Variants in KCTD3 observed in about 807,000 individuals in gnomAD.
The protein encoded by KCTD3 is potassium channel tetramerization domain containing 3, also known as BTB/POZ domain-containing protein KCTD3.
KCTD3 carries 41 observed loss-of-function variants against 85.8 expected under a neutral mutation model. That is an observed-to-expected ratio of 0.48 (90% CI 0.37 to 0.62). The LOEUF (loss-of-function observed/expected upper bound fraction) is 0.62. KCTD3 is among the 20% of genes least tolerant of loss of function. KCTD3 has a pLI of 0.00. For missense variants in KCTD3, 724 were observed against 989.9 expected, an observed-to-expected ratio of 0.73 and a Z score of 3.60; for synonymous variants, 338 against 345.4, an observed-to-expected ratio of 0.98 and a Z score of 0.24.
rs1436630161 is a variant in KCTD3, at chr1:215,604,812, ATG to A, written c.1309+514_1309+515del. Among the ~76,000 whole-genome samples the A allele has an allele frequency of 2.0e-5, 3 of 151,950 alleles. No individual in the cohort carries two copies. The East Asian group carries it at 5.8e-4, about 29-fold the overall frequency. ...TTTAATGCTAAAACTGTAGATTTAAATGTGTATTTTGATATTTTGTCATCTCA... is the reference window on the plus strand; with the variant it reads ...TTTAATGCTAAAACTGTAGATTTAAATGTATTTTGATATTTTGTCATCTCA... On this transcript the variant is annotated intron_variant, in intron 13 of 17. Coordinates refer to ENST00000259154, the MANE Select transcript of KCTD3 (RefSeq NM_016121.5).
chr1:215,574,805 A>G (rs7511859), intron 3 of KCTD3, among the ~76,000 whole-genome samples: 3,278 of 152,328 alleles, frequency 0.022, 111 homozygotes, highest in African/African-American at 0.073. Context: ...TTGATTGTAT[A>G]TATATAGTTG....
In KCTD3 at chr1:215,620,672, T is replaced by G; in HGVS notation, c.*54T>G. On this transcript the variant is annotated 3_prime_UTR_variant, in exon 18 of 18. Transcript: ENST00000259154. ...TTACATTTAGATGAAAGTTAAACTT[T>G]ACTGAATTTCAGTACATTAGTTTTT... 1 of 1,285,018 alleles carries G rather than the reference T, an allele frequency of 7.8e-7. No individual in the cohort carries two copies. The highest frequency in any genetic ancestry group is 1.6e-5 in the South Asian group (1 of 64,228). 79.6% of individuals were successfully genotyped at this position (1,285,018 alleles called of 1,614,324 possible). A position where few individuals can be genotyped will look rare whatever the true frequency, so the allele number is the denominator to read the frequency against.
chr1:215,572,556 G>A (rs1031375227), intron 1 of KCTD3, among the ~76,000 whole-genome samples: 1 of 152,142 alleles, frequency 6.6e-6, no homozygotes, highest in African/African-American at 2.4e-5. Context: ...CTTAGAAGAT[G>A]GGAATGGGAA....
rs1461922053 is a variant in KCTD3, at chr1:215,611,805, A to G, written c.1466-20A>G. On this transcript the variant is annotated intron_variant, in intron 14 of 17. Coordinates refer to ENST00000259154, the MANE Select transcript of KCTD3 (RefSeq NM_016121.5). ...ATAAAATTTTAATTAATTTTTTGACATTTTTGTTTTCTGATCAAGGACCTT... is the reference window on the plus strand; with the variant it reads ...ATAAAATTTTAATTAATTTTTTGACGTTTTTGTTTTCTGATCAAGGACCTT... 13 of 1,511,812 alleles carry G rather than the reference A, an allele frequency of 8.6e-6. No homozygotes were observed. The highest frequency in any genetic ancestry group is 1.1e-5 in the Non-Finnish European group (12 of 1,108,304). The allele number at this position is 1,511,812 out of a possible 1,614,324, so 93.6% of individuals were successfully genotyped here. A position where few individuals can be genotyped will look rare whatever the true frequency, so the allele number is the denominator to read the frequency against.
chr1:215,589,138 C>G (rs1660125371), intron 9 of KCTD3, among the ~76,000 whole-genome samples: 1 of 151,690 alleles, frequency 6.6e-6, no homozygotes, highest in Admixed American at 6.6e-5. Flanking sequence ...TTCTTCTTTT[C>G]TTTCCTTTTT....
intron 9 of KCTD3, among the ~76,000 whole-genome samples, chr1:215,590,461 C>T (rs1326027103): frequency 6.6e-6 from 1 of 152,134 alleles, no homozygotes; most frequent in Non-Finnish European, 1.5e-5. Context: ...CCCTTGCTCG[C>T]TCCCTCTTCC....
chr1:215,609,974 A>T (rs1655166912), intron 14 of KCTD3, among the ~76,000 whole-genome samples: 1 of 151,978 alleles, frequency 6.6e-6, no homozygotes, highest in Non-Finnish European at 1.5e-5. Flanking sequence ...TGTATTGTTC[A>T]GGGAGAGCAT....
chr1:215,608,245 AC>A, intron 14 of KCTD3, 73 bp downstream of exon 14: 1 of 961,744 alleles, frequency 1.0e-6, no homozygotes, highest in Non-Finnish European at 1.4e-6. Context: ...AACTAATAAA[AC>A]CACAAAAATG....
At chr1:215,576,059 G>T (rs556169235) in intron 4 of KCTD3, 85 bp downstream of exon 4, 27 of 796,518 alleles carry the variant, frequency 3.4e-5, no homozygotes, top group East Asian at 8.8e-5. Flanking sequence ...GGTTTTTTTT[G>T]TTTGTTTTTT....
At chr1:215,579,556 T>C (rs112510207) in intron 7 of KCTD3, among the ~76,000 whole-genome samples, 4 of 151,634 alleles carry the variant, frequency 2.6e-5, no homozygotes, top group Non-Finnish European at 4.4e-5. Flanking sequence ...TGGAGTGCAG[T>C]GGTGCCATCT....
intron 14 of KCTD3, among the ~76,000 whole-genome samples, 176 bp from the exon 15 acceptor site, chr1:215,611,649 A>C (rs537024692): frequency 1.3e-5 from 2 of 152,128 alleles, no homozygotes; most frequent in South Asian, 4.1e-4. Flanking sequence ...AAATGTTCTA[A>C]TGCAAATTGA....
At chr1:215,568,726 G>A (rs1659251824) in intron 1 of KCTD3, among the ~76,000 whole-genome samples, 1 of 152,088 alleles carries the variant, frequency 6.6e-6, no homozygotes, top group Non-Finnish European at 1.5e-5. Context: ...CATTTTAAAA[G>A]TATTTTAATG....
chr1:215,570,829 G>T (rs1659331096), intron 1 of KCTD3, among the ~76,000 whole-genome samples: 1 of 152,186 alleles, frequency 6.6e-6, no homozygotes, highest in African/African-American at 2.4e-5. Flanking sequence ...ACATGACTCT[G>T]TTCTTGGGAC....
chr1:215,568,354 C>T (rs575974762), intron 1 of KCTD3, among the ~76,000 whole-genome samples: 2 of 152,156 alleles, frequency 1.3e-5, no homozygotes, highest in African/African-American at 2.4e-5. Flanking sequence ...TGTTCAACTT[C>T]TAGGACAGTG....
intron 8 of KCTD3, among the ~76,000 whole-genome samples, chr1:215,580,394 T>C (rs1659772832): frequency 6.6e-6 from 1 of 152,264 alleles, no homozygotes; most frequent in South Asian, 2.1e-4. Flanking sequence ...CAAGGGAGAG[T>C]ACATTGGTCA....
intron 10 of KCTD3, among the ~76,000 whole-genome samples, chr1:215,596,593 A>G (rs1259771824): frequency 6.6e-6 from 1 of 152,206 alleles, no homozygotes; most frequent in South Asian, 2.1e-4. Context: ...ATCATTTGCA[A>G]ATATATATTA....
rs375096968 is a variant in KCTD3, at chr1:215,567,493, C to T, written c.-193C>T. 1 of 282,162 alleles carries T rather than the reference C, an allele frequency of 3.5e-6. No homozygotes were observed. 17.5% of individuals were successfully genotyped at this position (282,162 alleles called of 1,614,324 possible). On this transcript the variant is annotated 5_prime_UTR_variant, in exon 1 of 18. Coordinates refer to ENST00000259154, the MANE Select transcript of KCTD3 (RefSeq NM_016121.5). ...CGCCCTTGTGCACCGCAGGATTGACCCGGGAAGGGGCAGAAGCTAGCGAGC... is the reference window on the plus strand; with the variant it reads ...CGCCCTTGTGCACCGCAGGATTGACTCGGGAAGGGGCAGAAGCTAGCGAGC...
In KCTD3 at chr1:215,620,773, C is replaced by A. The variant is rs1033393148; in HGVS notation, c.*155C>A. On this transcript the variant is annotated 3_prime_UTR_variant, in exon 18 of 18. Transcript: ENST00000259154. ...CAGAATTACTTGGAATAATGAGATA[C>A]AATAATCATATCTCTTTTGACATTT... 1.8e-6 allele frequency: 1 copy of A among 546,800 alleles called. No homozygotes were observed. The highest frequency in any genetic ancestry group is 3.1e-6 in the Non-Finnish European group (1 of 317,504). The allele number at this position is 546,800 out of a possible 1,614,324, so 33.9% of individuals were successfully genotyped here.
At chr1:215,576,500 C>T (rs1020899999) in intron 4 of KCTD3, among the ~76,000 whole-genome samples, 5 of 151,992 alleles carry the variant, frequency 3.3e-5, no homozygotes, top group African/African-American at 4.8e-5. Flanking sequence ...CCCTTGAGGC[C>T]GGGAGTTTGA....
Sources: gnomAD v4.1 joint callset for allele counts (sites outside exome capture counted in the v4.1 genomes callset) on GRCh38, gnomAD v4.1.1 for gene constraint, MANE v1.5 for transcripts, NCBI Gene and HGNC (gene_info 2026-07-23, HGNC 2026-07-21) for gene names.